Variants in DENND3 observed in about 807,000 individuals in gnomAD.
DENND3 encodes the protein DENN domain-containing protein 3.
DENND3 carries 88 observed loss-of-function variants against 135.1 expected under a neutral mutation model. The ratio of observed to expected loss-of-function variants is 0.65; its 90% CI spans 0.55 to 0.78. The LOEUF (loss-of-function observed/expected upper bound fraction) is 0.78, where lower values mean the gene tolerates loss of function less well. DENND3 is among the 30% of genes least tolerant of loss of function. The probability of loss-of-function intolerance (pLI) is 0.00; values close to 1 mark genes in which losing one functional copy is unlikely to be tolerated. For synonymous variants in DENND3, 693 were observed against 712.3 expected (o/e 0.97, Z 0.43); for missense variants, 1,392 against 1,688.4 (o/e 0.82, Z 3.08).
intron 6 of DENND3, 88 bp downstream of exon 6, chr8:141,151,041 G>C (rs1384516646): frequency 1.4e-6 from 2 of 1,426,984 alleles, no homozygotes; most frequent in Non-Finnish European, 1.8e-6. Context: ...GAAGATGCGA[G>C]TTTATTCCAC....
intron 22 of DENND3, chr8:141,193,772 G>C (rs1825085538): frequency 1.8e-6 from 1 of 554,594 alleles, no homozygotes. Flanking sequence ...TGTTTGGTGA[G>C]AACACTTAAG....
In DENND3 at chr8:141,167,654, T is replaced by C. The variant is rs772228514; in HGVS notation, c.1754-350T>C. On this transcript the variant is annotated intron_variant, in intron 12 of 22. Transcript: ENST00000519811. This position sits in a 1 kb window ranked among gnomAD's most constrained non-coding sequence, Gnocchi z 4.1. ...TCTTTAAGGTAAATGAAACAATGGT[T>C]CTAAAGGGCTTCATCCTGCCTAGCA... is the stretch of plus-strand genomic sequence containing the variant. 1.3e-5 allele frequency among the ~76,000 whole-genome samples: 2 copies of C among 152,166 alleles called. No individual in the cohort carries two copies. Among genetic ancestry groups the C allele is most frequent in the Non-Finnish European group, 2.9e-5 (2 of 68,020 alleles).
rs1447288939 is a variant in DENND3, at chr8:141,141,052, G to A, written c.502-151G>A. On this transcript the variant is annotated intron_variant, in intron 3 of 22. Coordinates refer to ENST00000519811, the MANE Select transcript of DENND3 (RefSeq NM_001352890.3). The surrounding 1 kb of genome is among the most constrained non-coding windows in gnomAD (Gnocchi z 5.3). ...ACCAAATAGGGACCCCGTAGACTTC[G>A]ACCGGAGGGCCGGTGCTGGCTTGGA... The A allele has an allele frequency of 1.8e-5, 22 of 1,224,238 alleles. No homozygotes were observed. In the East Asian group the frequency reaches 3.5e-4, roughly 20 times the overall value. The allele number at this position is 1,224,238 out of a possible 1,614,324, so 75.8% of individuals were successfully genotyped here.
chr8:141,185,356 G>A (rs770952859), intron 18 of DENND3, 78 bp downstream of exon 18: 14 of 1,581,946 alleles, frequency 8.8e-6, no homozygotes, highest in African/African-American at 1.3e-5. Flanking sequence ...ATCCATATTC[G>A]ACAGTAGGAT....
In DENND3 at chr8:141,175,289, C is replaced by T; in HGVS notation, c.2365C>T (p.Pro789Ser). 3.1e-6 allele frequency: 5 copies of T among 1,614,178 alleles called. No individual in the cohort carries two copies. The highest frequency in any genetic ancestry group is 4.2e-6 in the Non-Finnish European group (5 of 1,180,038). ...AGCAGAAGCCCAGGAGGTCAGTCTG[C>T]CGTGGCTGGTGATGGAACACCTGGA... ...TEAEAQEVSL[P>S]WLVMEHLDKN... is the part of the protein sequence containing the mutation. Residue 789 changes from proline to serine, a missense_variant, in exon 14 of 23, where the codon CCG becomes TCG. By Grantham distance (74) the Pro-to-Ser change is moderately conservative. Transcript: ENST00000519811. This position sits in a 1 kb window ranked among gnomAD's most constrained non-coding sequence, Gnocchi z 5.4.
In DENND3 at chr8:141,168,127, G is replaced by A; in HGVS notation, c.1877G>A (p.Cys626Tyr). 1 of 1,614,198 alleles carries A rather than the reference G, an allele frequency of 6.2e-7. No individual in the cohort carries two copies. Among genetic ancestry groups the A allele is most frequent in the Non-Finnish European group, 8.5e-7 (1 of 1,180,040 alleles). ...HFVSMLSEAMCFLAPDNSLLL... is the reference protein window; with the variant it reads ...HFVSMLSEAMYFLAPDNSLLL... ...GTCTCCATGCTGAGCGAGGCCATGT[G>A]CTTTCTGGCCCCCGATAACTCTCTG... The change falls in exon 13 of 23, where the codon TGC becomes TAC. Residue 626 changes from cysteine (C) to tyrosine (Y), a missense_variant. Physicochemically the swap from Cys to Tyr is radical, Grantham distance 194. Transcript: ENST00000519811. The surrounding 1 kb of genome is among the most constrained non-coding windows in gnomAD (Gnocchi z 6.2).
At chr8:141,140,177 C>T (rs1817277826) in intron 3 of DENND3, among the ~76,000 whole-genome samples, 1 of 152,172 alleles carries the variant, frequency 6.6e-6, no homozygotes, top group Non-Finnish European at 1.5e-5. Context: ...GTTGGGATGA[C>T]AGGTGTGAGC....
chr8:141,191,122 A>C (rs1435428825), intron 20 of DENND3, among the ~76,000 whole-genome samples: 1 of 152,282 alleles, frequency 6.6e-6, no homozygotes, highest in Non-Finnish European at 1.5e-5. Context: ...TCTAAACTAC[A>C]TAACCATGAA....
Position 141,141,012 on chromosome 8 carries a change from T to A in DENND3, c.502-191T>A, listed in dbSNP as rs557275091. 2.6e-5 allele frequency among the ~76,000 whole-genome samples: 4 copies of A among 152,328 alleles called. No individual in the cohort carries two copies. Among genetic ancestry groups the A allele is most frequent in the African/African-American group, 9.6e-5 (4 of 41,580 alleles). On this transcript the variant is annotated intron_variant, in intron 3 of 22. Transcript: ENST00000519811. This position sits in a 1 kb window ranked among gnomAD's most constrained non-coding sequence, Gnocchi z 5.3. ...TTGCTCTCTTTATAGCCTCAGCACC[T>A]CAAATGGTGCAAGCACCAAATAGGG...
intron 5 of DENND3, among the ~76,000 whole-genome samples, chr8:141,145,029 C>T (rs1817876234): frequency 6.6e-6 from 1 of 152,370 alleles, no homozygotes. Flanking sequence ...TGTAGAGAAT[C>T]TATTCATGCA....
chr8:141,181,703 T>C (rs1046226402), intron 17 of DENND3, among the ~76,000 whole-genome samples: 3 of 152,160 alleles, frequency 2.0e-5, no homozygotes, highest in African/African-American at 4.8e-5. Flanking sequence ...CAGGGAAGCT[T>C]ATGCTGAGGG....
intron 5 of DENND3, among the ~76,000 whole-genome samples, chr8:141,149,850 C>T (rs1370681086): frequency 6.6e-6 from 1 of 152,170 alleles, no homozygotes; most frequent in Non-Finnish European, 1.5e-5. Context: ...CGCTGGTGTC[C>T]CCACCACCAA....
chr8:141,168,264 C>G lies in DENND3; in HGVS notation c.2014C>G (p.Pro672Ala). 1 of 1,614,172 alleles carries G rather than the reference C, an allele frequency of 6.2e-7. No homozygotes were observed. Among genetic ancestry groups the G allele is most frequent in the Non-Finnish European group, 8.5e-7 (1 of 1,180,042 alleles). The change falls in exon 13 of 23, where the codon CCC becomes GCC. Residue 672 changes from proline (P) to alanine (A), a missense_variant. By Grantham distance (27) the Pro-to-Ala change is conservative. Coordinates refer to ENST00000519811, the MANE Select transcript of DENND3 (RefSeq NM_001352890.3). This position sits in a 1 kb window ranked among gnomAD's most constrained non-coding sequence, Gnocchi z 6.2. ...GTATAAAACAGACATACGGATCTTT[C>G]CCACTGATTTGGTGAAGAGGACGGT... ...NLYKTDIRIF[P>A]TDLVKRTVES...
In DENND3 at chr8:141,151,711, C is replaced by T. The variant is rs1818818611; in HGVS notation, c.948C>T (p.Tyr316=). Residue 316 remains tyrosine, a synonymous_variant, in exon 7 of 23, where the codon TAC becomes TAT. Coordinates refer to ENST00000519811, the MANE Select transcript of DENND3 (RefSeq NM_001352890.3). ...LTLVTECFMA[Y]LYPLQWQHPF... ...TGGTCACTGAGTGCTTCATGGCCTA[C>T]CTGTATCCGCTGCAGTGGCAGCACC... The T allele has an allele frequency of 1.2e-6, 2 of 1,614,062 alleles. No homozygotes were observed. The highest frequency in any genetic ancestry group is 8.5e-7 in the Non-Finnish European group (1 of 1,180,042).
At position 141,153,511 on chromosome 8, in the gene DENND3, G is replaced by A. The variant is rs1166841365; in HGVS notation, c.1074+1674G>A. On this transcript the variant is annotated intron_variant, in intron 7 of 22. Coordinates refer to ENST00000519811, the MANE Select transcript of DENND3 (RefSeq NM_001352890.3). Reference sequence around the variant, plus strand: ...AGTCACCCCCAGCCCCGCTTTTCCCGGAGCGTTTTAAAGCAAATCCCAGGG... The same window carrying A: ...AGTCACCCCCAGCCCCGCTTTTCCCAGAGCGTTTTAAAGCAAATCCCAGGG... Among the ~76,000 whole-genome samples, 12 of 152,326 alleles carry A rather than the reference G, an allele frequency of 7.9e-5. 1 individual carries two copies. The South Asian group carries it at 1.9e-3, about 24-fold the overall frequency.
chr8:141,133,976 C>A (rs1200471922), intron 1 of DENND3, among the ~76,000 whole-genome samples: 2 of 151,952 alleles, frequency 1.3e-5, no homozygotes, highest in South Asian at 4.2e-4. Flanking sequence ...GAGGATGGTG[C>A]GAAGGACCCA....
In DENND3 at chr8:141,185,155, C is replaced by A; in HGVS notation, c.2961C>A (p.Ala987=). ...CCTCTTTAGGGCATCTTGACCCAGC[C>A]GAAAAAGTTGAAGATGCTCACCCCA... ...LLYTPGHLDP[A]EKVEDAHPKL... is the part of the protein sequence containing the mutation. The change falls in exon 18 of 23, where the codon GCC becomes GCA. Residue 987 remains alanine (A), a synonymous_variant. Coordinates refer to ENST00000519811, the MANE Select transcript of DENND3 (RefSeq NM_001352890.3). 6.2e-7 allele frequency: 1 copy of A among 1,613,790 alleles called. No homozygotes were observed. The highest frequency in any genetic ancestry group is 8.5e-7 in the Non-Finnish European group (1 of 1,179,780).
At chr8:141,169,737 A>C (rs1441698277) in intron 13 of DENND3, among the ~76,000 whole-genome samples, 2 of 152,256 alleles carry the variant, frequency 1.3e-5, no homozygotes, top group African/African-American at 4.8e-5. Flanking sequence ...AAACACAAAA[A>C]TGGGAGAATG....
Position 141,176,672 on chromosome 8 carries a change from T to G in DENND3, c.2617T>G (p.Phe873Val), listed in dbSNP as rs1174454724. Residue 873 changes from phenylalanine (F) to valine (V), a missense_variant, in exon 15 of 23, where the codon TTC (phenylalanine) becomes GTC (valine). Physicochemically the swap from Phe to Val is conservative, Grantham distance 50 (BLOSUM62 -1). Coordinates refer to ENST00000519811, the MANE Select transcript of DENND3 (RefSeq NM_001352890.3). ...KIRVASKKEVFEANLKTECDL... is the reference protein window; with the variant it reads ...KIRVASKKEVVEANLKTECDL... ...CAGAGTGGCGTCCAAGAAAGAAGTC[T>G]TCGAAGCCAACCTGAAAACCGAGTG... The G allele has an allele frequency of 6.2e-7, 1 of 1,614,254 alleles. No homozygotes were observed. Among genetic ancestry groups the G allele is most frequent in the East Asian group, 2.2e-5 (1 of 44,894 alleles).
Sources: gnomAD v4.1 joint callset for allele counts (sites outside exome capture counted in the v4.1 genomes callset) on GRCh38, gnomAD v4.1.1 for gene constraint, Gnocchi (gnomAD v3.1) non-coding constraint, MANE v1.5 for transcripts, NCBI Gene and HGNC (gene_info 2026-07-23, HGNC 2026-07-21) for gene names.